Variants in SLC9A8 observed in about 807,000 individuals in gnomAD.
SLC9A8 encodes sodium/hydrogen exchanger 8.
A neutral mutation model predicts 66.6 loss-of-function variants in SLC9A8; 48 were observed. That is an observed-to-expected ratio of 0.72 (90% CI 0.57 to 0.92). The LOEUF (loss-of-function observed/expected upper bound fraction) is 0.92. Ranked by LOEUF, SLC9A8 falls within the 40% of genes least tolerant of loss-of-function variation. SLC9A8 has a pLI of 0.00. For missense variants in SLC9A8, 599 were observed against 747.3 expected (o/e 0.80, Z 2.31); for synonymous variants, 274 against 282.6 (o/e 0.97, Z 0.31).
chr20:49,845,771 T>C (rs765733667), intron 5 of SLC9A8, among the ~76,000 whole-genome samples: 1 of 152,152 alleles, frequency 6.6e-6, no homozygotes, highest in Non-Finnish European at 1.5e-5. Flanking sequence ...CCCTACCCAC[T>C]TCTCTGCTTT....
At chr20:49,847,154 A>G (rs2088031459) in intron 5 of SLC9A8, among the ~76,000 whole-genome samples, 1 of 152,134 alleles carries the variant, frequency 6.6e-6, no homozygotes, top group East Asian at 1.9e-4. Flanking sequence ...GTGAAAAGGA[A>G]ATTTAATGTA....
intron 10 of SLC9A8, among the ~76,000 whole-genome samples, chr20:49,873,933 T>C (rs765380767): frequency 2.0e-5 from 3 of 151,886 alleles, no homozygotes; most frequent in Non-Finnish European, 2.9e-5. Flanking sequence ...AGAAAATTCA[T>C]AGGTGCTCAA....
At chr20:49,865,130 C>T (rs1156386784) in intron 10 of SLC9A8, among the ~76,000 whole-genome samples, 4 of 152,140 alleles carry the variant, frequency 2.6e-5, no homozygotes, top group African/African-American at 9.7e-5. Flanking sequence ...AGGAGGGTAG[C>T]CTTGTAGGAG....
At chr20:49,834,161 CT>C in intron 3 of SLC9A8, among the ~76,000 whole-genome samples, 1 of 53,888 alleles carries the variant, frequency 1.9e-5, no homozygotes, top group East Asian at 3.6e-4. Context: ...CTCTCTCTCT[CT>C]CTCTCTCTCT....
intron 4 of SLC9A8, among the ~76,000 whole-genome samples, chr20:49,842,360 G>A (rs902949657): frequency 6.6e-6 from 1 of 152,078 alleles, no homozygotes; most frequent in African/African-American, 2.4e-5. Flanking sequence ...GAGCCACCAC[G>A]CCTGGCCATG....
chr20:49,829,625 T>G (rs1332749098), intron 3 of SLC9A8: 2 of 435,674 alleles, frequency 4.6e-6, no homozygotes, highest in Non-Finnish European at 9.0e-6. Flanking sequence ...AGCCATATCA[T>G]GCTCATAAAG....
At chr20:49,870,198 A>T (rs556559933) in intron 10 of SLC9A8, among the ~76,000 whole-genome samples, 1 of 152,376 alleles carries the variant, frequency 6.6e-6, no homozygotes, top group South Asian at 2.1e-4. Flanking sequence ...TGTTGGGGCT[A>T]CATTTATAAA....
In SLC9A8 at chr20:49,879,281, G is replaced by C. The variant is rs186783187; in HGVS notation, c.1158+1218G>C. 7.2e-5 allele frequency among the ~76,000 whole-genome samples: 11 copies of C among 152,264 alleles called. No homozygotes were observed. The South Asian group carries it at 2.1e-3, about 29-fold the overall frequency. Reference sequence around the variant, plus strand: ...TCAGGTGGGTTACAGTTCCTGCCCTGTAAACTCAATTTAGTGGTCAAGAGC... The same window carrying C: ...TCAGGTGGGTTACAGTTCCTGCCCTCTAAACTCAATTTAGTGGTCAAGAGC... On this transcript the variant is annotated intron_variant, in intron 12 of 15. Transcript: ENST00000361573.
chr20:49,844,193 G>T (rs982996498), intron 4 of SLC9A8, among the ~76,000 whole-genome samples: 3 of 152,224 alleles, frequency 2.0e-5, no homozygotes, highest in Admixed American at 2.0e-4. Flanking sequence ...AGTCGAAAGA[G>T]CATCCAGTGT....
At chr20:49,836,974 A>T (rs76914010) in intron 3 of SLC9A8, among the ~76,000 whole-genome samples, 15,967 of 152,232 alleles carry the variant, frequency 0.1, 1,115 homozygotes, top group Non-Finnish European at 0.16. Flanking sequence ...TTCTAAAAAG[A>T]TAGCTACTAA....
intron 4 of SLC9A8, among the ~76,000 whole-genome samples, chr20:49,840,819 A>G (rs1319209856): frequency 6.6e-6 from 1 of 152,138 alleles, no homozygotes; most frequent in Non-Finnish European, 1.5e-5. Context: ...TCTGATTTAA[A>G]AATCATTTGA....
Position 49,888,011 on chromosome 20 carries a change from C to T in SLC9A8, c.*75C>T, listed in dbSNP as rs1013507495. 19 of 1,132,640 alleles carry T rather than the reference C, an allele frequency of 1.7e-5. No homozygotes were observed. Among genetic ancestry groups the T allele is most frequent in the African/African-American group, 9.2e-5 (6 of 65,386 alleles). The allele number at this position is 1,132,640 out of a possible 1,614,324, so 70.2% of individuals were successfully genotyped here. On this transcript the variant is annotated 3_prime_UTR_variant, in exon 16 of 16. Coordinates refer to ENST00000361573, the MANE Select transcript of SLC9A8 (RefSeq NM_015266.3). ...GCGCACAGACACTCAGCAGGGGCCTCGCAGAGATGCGTGCATCCAGCAGCC... is the reference window on the plus strand; with the variant it reads ...GCGCACAGACACTCAGCAGGGGCCTTGCAGAGATGCGTGCATCCAGCAGCC...
chr20:49,816,872 G>GT (rs1401051767), intron 2 of SLC9A8, among the ~76,000 whole-genome samples: 2 of 152,010 alleles, frequency 1.3e-5, no homozygotes, highest in African/African-American at 4.8e-5. Flanking sequence ...GGGACTACAG[G>GT]TGCCTGCCAC....
intron 3 of SLC9A8, among the ~76,000 whole-genome samples, chr20:49,834,137 TTGTC>T (rs1568810752): frequency 1.3e-5 from 1 of 77,796 alleles, no homozygotes; most frequent in Non-Finnish European, 2.3e-5. Flanking sequence ...TAATATTAGC[TTGTC>T]TCTCTCTCTC....
chr20:49,830,509 C>T (rs564126944), intron 3 of SLC9A8: 26 of 732,542 alleles, frequency 3.5e-5, no homozygotes, highest in South Asian at 1.1e-4. Flanking sequence ...GACATGTCAA[C>T]GGTGGACGCT....
chr20:49,846,297 C>T (rs1344987680), intron 5 of SLC9A8, among the ~76,000 whole-genome samples: 1 of 151,916 alleles, frequency 6.6e-6, no homozygotes. Context: ...ATTAATAATA[C>T]AGCAGCTATT....
intron 7 of SLC9A8, 109 bp from the exon 8 acceptor site, chr20:49,855,329 T>C (rs6020086): frequency 0.079 from 85,598 of 1,081,900 alleles, 6,002 homozygotes; most frequent in African/African-American, 0.34. Flanking sequence ...AATTCAGCTC[T>C]AGCGTGTAGT....
chr20:49,863,034 G>C lies in SLC9A8; in HGVS notation c.819G>C (p.Ala273=), dbSNP rs755704627. The C allele has an allele frequency of 1.9e-6, 3 of 1,613,480 alleles. No homozygotes were observed. The highest frequency in any genetic ancestry group is 3.3e-5 in the Admixed American group (2 of 59,888). Residue 273 remains alanine, a synonymous_variant, in exon 9 of 16, where the codon GCG becomes GCC. Transcript: ENST00000361573. ...TCAAAATGTTCTTTGGCTCTGCAGC[G>C]CTCGGCACTCTCACTGGCTTAATTT... ...YFLKMFFGSA[A]LGTLTGLISA...
intron 3 of SLC9A8, among the ~76,000 whole-genome samples, chr20:49,834,243 CTG>C (rs1307543836): frequency 7.1e-6 from 1 of 141,294 alleles, no homozygotes; most frequent in Non-Finnish European, 1.5e-5. Context: ...TATACACACA[CTG>C]TATATACGCA....
Sources: allele counts gnomAD v4.1 joint callset (sites outside exome capture counted in the v4.1 genomes callset), GRCh38; gene constraint gnomAD v4.1.1; transcripts MANE v1.5; gene names NCBI Gene and HGNC (gene_info 2026-07-23, HGNC 2026-07-21).